MARCHF1: variants seen among roughly 807,000 people sequenced by gnomAD.
MARCHF1 encodes E3 ubiquitin-protein ligase MARCHF1.
A neutral mutation model predicts 54.2 loss-of-function variants in MARCHF1; 40 were observed. That is an observed-to-expected ratio of 0.74 (90% confidence interval 0.57 to 0.96). The LOEUF is 0.96. MARCHF1 is among the 40% of genes least tolerant of loss of function. The probability of loss-of-function intolerance (pLI) is 0.00; values close to 1 mark genes in which losing one functional copy is unlikely to be tolerated. For synonymous variants in MARCHF1, 236 were observed against 236.3 expected (o/e 1.00, Z 0.01); for missense variants, 586 against 656.5 (o/e 0.89, Z 1.17).
At chr4:163,818,327 G>A (rs2111042737) in intron 4 of MARCHF1, among the ~76,000 whole-genome samples, 1 of 151,992 alleles carries the variant, frequency 6.6e-6, no homozygotes, top group South Asian at 2.1e-4. Context: ...AGATAAACAA[G>A]TTCCATGGTG....
chr4:163,700,950 A>G, intron 4 of MARCHF1, 87 bp from the exon 5 acceptor site: 1 of 880,034 alleles, frequency 1.1e-6, no homozygotes, highest in South Asian at 1.4e-5. Context: ...CCACAGCACA[A>G]GGAAATCTGT....
At chr4:164,002,814 G>A (rs1401127791) in intron 2 of MARCHF1, among the ~76,000 whole-genome samples, 1 of 151,612 alleles carries the variant, frequency 6.6e-6, no homozygotes, top group Non-Finnish European at 1.5e-5. Context: ...AAATAATGCT[G>A]GTGAGCAAAA....
At chr4:163,539,678 TTTAG>T (rs1300528667) in intron 9 of MARCHF1, among the ~76,000 whole-genome samples, 1 of 152,204 alleles carries the variant, frequency 6.6e-6, no homozygotes, top group African/African-American at 2.4e-5. Context: ...GCCACTGGCG[TTTAG>T]TCATAGTGTG....
intron 2 of MARCHF1, among the ~76,000 whole-genome samples, chr4:164,090,170 G>T (rs1259457047): frequency 1.3e-5 from 2 of 151,932 alleles, no homozygotes; most frequent in African/African-American, 4.8e-5. Context: ...AAATTAAATT[G>T]ATGAAGTATC....
chr4:164,364,163 T>C (rs1020205996), intron 1 of MARCHF1, among the ~76,000 whole-genome samples: 3 of 152,086 alleles, frequency 2.0e-5, no homozygotes, highest in African/African-American at 7.2e-5. Context: ...ACATTTTTAA[T>C]AACCTTTAGT....
chr4:163,560,883 G>C (rs977127940), intron 8 of MARCHF1, among the ~76,000 whole-genome samples: 1 of 152,058 alleles, frequency 6.6e-6, no homozygotes, highest in Non-Finnish European at 1.5e-5. Flanking sequence ...CTGCAATCTT[G>C]CTAAATTCAC....
At position 164,202,472 on chromosome 4, in the gene MARCHF1, G is replaced by A. The variant is rs1402381636; in HGVS notation, c.-322-90810C>T. ...ATAAAACACTTAAAGCAGAAGAGTG[G>A]TATAAAATAATTTGTATTTTTAAAA... On this transcript the variant is annotated intron_variant, in intron 1 of 9. Coordinates refer to ENST00000514618, the MANE Select transcript of MARCHF1 (RefSeq NM_001394959.1). Among the ~76,000 whole-genome samples, 10 of 152,202 alleles carry A rather than the reference G, an allele frequency of 6.6e-5. No individual in the cohort carries two copies. In the East Asian group the frequency reaches 1.7e-3, roughly 26 times the overall value.
rs150206076 is a variant in MARCHF1 at position 164,199,511 on chromosome 4, A to G, written c.-322-87849T>C. Among the ~76,000 whole-genome samples the G allele has an allele frequency of 6.2e-3, 937 of 151,964 alleles. 16 individuals carry two copies. The highest frequency in any genetic ancestry group is 0.021 in the African/African-American group (870 of 41,454). On this transcript the variant is annotated intron_variant, in intron 1 of 9. Transcript: ENST00000514618. ...TACAAAAGTTAGCCAGCTGTTGTAG[A>G]GCCCGCCTGTAATCCCAGCTACTCG... is the stretch of plus-strand genomic sequence containing the variant.
intron 1 of MARCHF1, among the ~76,000 whole-genome samples, chr4:164,199,322 A>G (rs1001716197): frequency 1.3e-5 from 2 of 152,090 alleles, no homozygotes; most frequent in African/African-American, 4.8e-5. Context: ...GCTTCCCACA[A>G]ATTCATCTAC....
chr4:163,771,465 G>A (rs1481946714), intron 4 of MARCHF1, among the ~76,000 whole-genome samples: 2 of 152,150 alleles, frequency 1.3e-5, no homozygotes, highest in African/African-American at 2.4e-5. Context: ...CAAGATTGGT[G>A]TCTGATGAGG....
At position 163,818,062 on chromosome 4, in the gene MARCHF1, G is replaced by A. The variant is rs563320904; in HGVS notation, c.111+35959C>T. Among the ~76,000 whole-genome samples the A allele has an allele frequency of 2.2e-3, 338 of 151,310 alleles. 1 individual carries two copies. The highest frequency in any genetic ancestry group is 3.7e-3 in the Non-Finnish European group (251 of 67,814). Reference sequence around the variant, plus strand: ...ACCAGCATGGCACATGTATACATATGTAACTAACCTGCACATTGTGCACAT... The same window carrying A: ...ACCAGCATGGCACATGTATACATATATAACTAACCTGCACATTGTGCACAT... On this transcript the variant is annotated intron_variant, in intron 4 of 9. Transcript: ENST00000514618.
intron 2 of MARCHF1, among the ~76,000 whole-genome samples, chr4:164,004,242 C>CAAACATAT (rs1274583037): frequency 9.4e-5 from 10 of 106,662 alleles, no homozygotes; most frequent in Non-Finnish European, 2.3e-5. Context: ...CACATGTTTA[C>CAAACATAT]ATACATATAT....
intron 2 of MARCHF1, among the ~76,000 whole-genome samples, chr4:164,108,501 A>G (rs1755758830): frequency 6.6e-6 from 1 of 152,030 alleles, no homozygotes; most frequent in South Asian, 2.1e-4. Context: ...AAAGACTTAT[A>G]ACATAGTCTG....
intron 8 of MARCHF1, among the ~76,000 whole-genome samples, chr4:163,566,785 T>C (rs1471250130): frequency 6.6e-6 from 1 of 152,172 alleles, no homozygotes; most frequent in Non-Finnish European, 1.5e-5. Context: ...ACTGACTATA[T>C]ACCAGGGAGA....
intron 4 of MARCHF1, among the ~76,000 whole-genome samples, chr4:163,705,285 T>C (rs1744917144): frequency 6.6e-6 from 1 of 151,264 alleles, no homozygotes; most frequent in Non-Finnish European, 1.5e-5. Flanking sequence ...TAACATGGCG[T>C]AAATGAAACT....
Position 163,972,713 on chromosome 4 carries a change from A to AT in MARCHF1, c.-39+15787dup, listed in dbSNP as rs34422259. On this transcript the variant is annotated intron_variant, in intron 3 of 9. Transcript: ENST00000514618. Reference sequence around the variant, plus strand: ...AGGCGCCCGCCACCATGGCCGGCTAATTTTTTTTTTTTTTTTTGTATTTTT... The same window carrying AT: ...AGGCGCCCGCCACCATGGCCGGCTAATTTTTTTTTTTTTTTTTTGTATTTTT... Among the ~76,000 whole-genome samples, 807 of 139,472 alleles carry AT rather than the reference A, an allele frequency of 5.8e-3. 6 individuals are homozygous for AT. The highest frequency in any genetic ancestry group is 0.015 in the African/African-American group (554 of 38,030). 91.5% of individuals were successfully genotyped at this position (139,472 alleles called of 152,430 possible). A position where few individuals can be genotyped will look rare whatever the true frequency, so the allele number is the denominator to read the frequency against.
chr4:163,629,934 A>G (rs1050597036), intron 5 of MARCHF1, among the ~76,000 whole-genome samples: 4 of 152,256 alleles, frequency 2.6e-5, no homozygotes. Context: ...TATAACCATT[A>G]GAAGAGCTAC....
chr4:164,142,176 C>A (rs1395654734), intron 1 of MARCHF1, among the ~76,000 whole-genome samples: 1 of 152,202 alleles, frequency 6.6e-6, no homozygotes, highest in Non-Finnish European at 1.5e-5. Flanking sequence ...GTCCTATGCC[C>A]ACGGAGACTC....
At chr4:163,937,497 C>A (rs1374308594) in intron 3 of MARCHF1, among the ~76,000 whole-genome samples, 1 of 151,278 alleles carries the variant, frequency 6.6e-6, no homozygotes, top group Non-Finnish European at 1.5e-5. Flanking sequence ...AAATGTATAA[C>A]ATATATAAAT....
Sources: allele counts gnomAD v4.1 joint callset (sites outside exome capture counted in the v4.1 genomes callset), GRCh38; gene constraint gnomAD v4.1.1; transcripts MANE v1.5; gene names NCBI Gene and HGNC (gene_info 2026-07-23, HGNC 2026-07-21).